The following CHST9 variants were observed in gnomAD, a reference collection of about 807,000 sequenced individuals.
The protein encoded by CHST9 is GalNAc-4-sulfotransferase 2.
CHST9 carries 41 observed loss-of-function variants against 44.4 expected under a neutral mutation model. The observed-to-expected ratio is 0.92, with a 90% CI of 0.72 to 1.20. The LOEUF (loss-of-function observed/expected upper bound fraction) is 1.20, where lower values mean the gene tolerates loss of function less well. CHST9 is among the 50% of genes most tolerant of loss of function. The pLI, the probability that CHST9 is intolerant of heterozygous loss-of-function variation, is 0.00. For missense variants in CHST9, 504 were observed against 516.5 expected (o/e 0.98, Z 0.23); for synonymous variants, 171 against 178.4 (o/e 0.96, Z 0.33).
At chr18:27,006,978 C>T (rs1014508202) in intron 4 of CHST9, among the ~76,000 whole-genome samples, 4 of 152,016 alleles carry the variant, frequency 2.6e-5, no homozygotes, top group Admixed American at 1.3e-4. Flanking sequence ...AGCATGTGTA[C>T]GTGCATGTGT....
intron 4 of CHST9, among the ~76,000 whole-genome samples, chr18:26,956,535 A>G (rs2056328279): frequency 6.6e-6 from 1 of 151,084 alleles, no homozygotes; most frequent in Admixed American, 6.6e-5. Context: ...TTGTGGTCCT[A>G]GTGGTTATGA....
intron 2 of CHST9, among the ~76,000 whole-genome samples, chr18:27,118,274 T>C (rs2058345951): frequency 6.6e-6 from 1 of 152,226 alleles, no homozygotes; most frequent in African/African-American, 2.4e-5. Context: ...AGGAGTTCTT[T>C]GTATATTTTG....
At chr18:26,955,027 C>T (rs1801360099) in intron 4 of CHST9, among the ~76,000 whole-genome samples, 1 of 151,966 alleles carries the variant, frequency 6.6e-6, no homozygotes, top group East Asian at 1.9e-4. Flanking sequence ...GCTCCTGGCC[C>T]TGGTTTGCTC....
At chr18:26,965,721 C>T (rs2056456362) in intron 4 of CHST9, among the ~76,000 whole-genome samples, 1 of 152,200 alleles carries the variant, frequency 6.6e-6, no homozygotes, top group Admixed American at 6.5e-5. Flanking sequence ...CCTCTTCACT[C>T]CTGCAGCAAC....
intron 2 of CHST9, among the ~76,000 whole-genome samples, chr18:27,133,623 A>G (rs941794177): frequency 1.3e-5 from 2 of 152,214 alleles, no homozygotes; most frequent in African/African-American, 4.8e-5. Context: ...TTTTACTGGG[A>G]GATGCAGAGC....
chr18:27,048,863 G>A (rs1391201660), intron 2 of CHST9, among the ~76,000 whole-genome samples: 4 of 151,964 alleles, frequency 2.6e-5, no homozygotes, highest in Non-Finnish European at 2.9e-5. Context: ...AAATAGAAAG[G>A]ACAGACAATA....
chr18:27,102,230 G>A (rs904536430), intron 2 of CHST9, among the ~76,000 whole-genome samples: 1 of 152,220 alleles, frequency 6.6e-6, no homozygotes, highest in East Asian at 1.9e-4. Context: ...TAATTAGTAT[G>A]TTAAAACTTT....
At chr18:26,983,372 C>T (rs1304645389) in intron 4 of CHST9, among the ~76,000 whole-genome samples, 13 of 152,126 alleles carry the variant, frequency 8.5e-5, no homozygotes, top group Admixed American at 2.0e-4. Flanking sequence ...CCCCTCATGG[C>T]TTGGTGCTGT....
At chr18:27,110,537 G>T (rs951589056) in intron 2 of CHST9, among the ~76,000 whole-genome samples, 2 of 152,124 alleles carry the variant, frequency 1.3e-5, no homozygotes, top group Non-Finnish European at 2.9e-5. Flanking sequence ...CTGGAGTAAT[G>T]GTAGGGCTTA....
chr18:27,146,313 A>G (rs1380160047), intron 1 of CHST9, among the ~76,000 whole-genome samples: 3 of 152,218 alleles, frequency 2.0e-5, no homozygotes. Flanking sequence ...GATTAAAGCC[A>G]CAAGGCAGAA....
chr18:27,161,619 T>A lies in CHST9; in HGVS notation c.-96-18714A>T, dbSNP rs564395381. On this transcript the variant is annotated intron_variant, in intron 1 of 5. Transcript: ENST00000618847. ...TGGGGTGGAGAGTTCTGTAGATGTC[T>A]ATTAGGCCCACTTGGTGCAGAGCTG... 2.0e-5 allele frequency among the ~76,000 whole-genome samples: 3 copies of A among 152,338 alleles called. No homozygotes were observed. The East Asian group carries it at 5.8e-4, about 29-fold the overall frequency.
chr18:27,008,856 T>TCA (rs2057048695), intron 4 of CHST9, among the ~76,000 whole-genome samples: 1 of 152,018 alleles, frequency 6.6e-6, no homozygotes, highest in South Asian at 2.1e-4. Context: ...CAGTGGCCCT[T>TCA]CAATCTTGAG....
chr18:27,119,644 T>C (rs2058357462), intron 2 of CHST9, among the ~76,000 whole-genome samples: 1 of 138,736 alleles, frequency 7.2e-6, no homozygotes, highest in East Asian at 2.3e-4. Context: ...ATCAGTTTTT[T>C]TGTTTTGGGT....
intron 1 of CHST9, among the ~76,000 whole-genome samples, chr18:27,160,522 T>C (rs981966350): frequency 2.0e-5 from 3 of 152,222 alleles, no homozygotes; most frequent in African/African-American, 4.8e-5. Flanking sequence ...CAGTATTTTA[T>C]TGAGGATTTT....
Position 26,995,078 on chromosome 18 carries a change from G to T in CHST9, c.202+29038C>A, listed in dbSNP as rs531391583. Among the ~76,000 whole-genome samples the T allele has an allele frequency of 5.9e-5, 9 of 152,006 alleles. No homozygotes were observed. The South Asian group carries it at 1.7e-3, about 28-fold the overall frequency. On this transcript the variant is annotated intron_variant, in intron 4 of 5. Coordinates refer to ENST00000618847, the MANE Select transcript of CHST9 (RefSeq NM_031422.6). ...AGGGTCCCATGTGACTGAGATGGAA[G>T]CAGAGCTTGTGAGACCTGCCAACAG...
intron 4 of CHST9, among the ~76,000 whole-genome samples, chr18:27,000,889 A>G (rs1455914364): frequency 6.6e-6 from 1 of 152,076 alleles, no homozygotes; most frequent in African/African-American, 2.4e-5. Context: ...TGCTCTCAAG[A>G]TTCACCCCCC....
intron 4 of CHST9, among the ~76,000 whole-genome samples, chr18:27,019,753 C>T (rs2057201254): frequency 6.6e-6 from 1 of 150,428 alleles, no homozygotes; most frequent in Non-Finnish European, 1.5e-5. Flanking sequence ...TACACCTTTC[C>T]CTAATGTTGG....
intron 3 of CHST9, among the ~76,000 whole-genome samples, chr18:27,047,508 T>C (rs1315467697): frequency 6.6e-6 from 1 of 151,940 alleles, no homozygotes; most frequent in Non-Finnish European, 1.5e-5. Flanking sequence ...TGCCCACTTA[T>C]CTGAAATGAA....
At chr18:26,966,449 T>A (rs1416177050) in intron 4 of CHST9, among the ~76,000 whole-genome samples, 1 of 152,228 alleles carries the variant, frequency 6.6e-6, no homozygotes, top group Non-Finnish European at 1.5e-5. Flanking sequence ...TTGGGGATTT[T>A]AAAAATTTCA....
Sources: allele counts gnomAD v4.1 joint callset (sites outside exome capture counted in the v4.1 genomes callset), GRCh38; gene constraint gnomAD v4.1.1; transcripts MANE v1.5; gene names NCBI Gene and HGNC (gene_info 2026-07-23, HGNC 2026-07-21).